The following CCDC73 variants were observed in gnomAD, a reference collection of about 807,000 sequenced individuals.
The protein encoded by CCDC73 is coiled-coil domain containing 73, also known as coiled-coil domain-containing protein 73.
A neutral mutation model predicts 116.5 loss-of-function variants in CCDC73; 95 were observed. The ratio of observed to expected loss-of-function variants is 0.82; its 90% CI spans 0.69 to 0.97. CCDC73 has a LOEUF of 0.97. Ranked by LOEUF, CCDC73 falls within the 50% of genes least tolerant of loss-of-function variation. The pLI is 0.00. For synonymous variants in CCDC73, 398 were observed against 401.3 expected (o/e 0.99, Z 0.10); for missense variants, 1,066 against 1,206.8 (o/e 0.88, Z 1.73).
intron 6 of CCDC73, among the ~76,000 whole-genome samples, chr11:32,685,149 G>T (rs1444838879): frequency 6.6e-6 from 1 of 150,828 alleles, no homozygotes; most frequent in African/African-American, 2.4e-5. Flanking sequence ...TGAATGAGCT[G>T]ATTTTATTTT....
intron 14 of CCDC73, among the ~76,000 whole-genome samples, chr11:32,631,678 A>AAAAGGAGG (rs1288516088): frequency 2.0e-5 from 3 of 151,958 alleles, no homozygotes; most frequent in Non-Finnish European, 4.4e-5. Context: ...GGAAAGGAAG[A>AAAAGGAGG]AAAGGAAGAA....
intron 14 of CCDC73, among the ~76,000 whole-genome samples, chr11:32,634,191 C>T (rs184103450): frequency 1.5e-4 from 23 of 152,090 alleles, no homozygotes; most frequent in Admixed American, 3.3e-4. Flanking sequence ...TTACTCTTGA[C>T]GCAAAAACCA....
intron 15 of CCDC73, 121 bp downstream of exon 15, chr11:32,615,819 A>G (rs1407290518): frequency 2.1e-6 from 2 of 962,050 alleles, no homozygotes; most frequent in Non-Finnish European, 3.0e-6. Flanking sequence ...GGCAGAAACC[A>G]GAATCCAAAA....
intron 14 of CCDC73, among the ~76,000 whole-genome samples, chr11:32,628,981 C>G (rs1434442960): frequency 6.6e-6 from 1 of 151,562 alleles, no homozygotes; most frequent in African/African-American, 2.4e-5. Context: ...AAAAACGAAC[C>G]AAATGGAAAT....
At chr11:32,626,512 T>C (rs1204034531) in intron 14 of CCDC73, among the ~76,000 whole-genome samples, 1 of 152,214 alleles carries the variant, frequency 6.6e-6, no homozygotes, top group African/African-American at 2.4e-5. Flanking sequence ...AGAGCCCACA[T>C]TGCCAAGTCA....
At chr11:32,651,478 T>C (rs1005675666) in intron 12 of CCDC73, among the ~76,000 whole-genome samples, 6 of 152,108 alleles carry the variant, frequency 3.9e-5, no homozygotes, top group Non-Finnish European at 7.4e-5. Flanking sequence ...CCAGTCAAAC[T>C]GCACCAGTGG....
At chr11:32,735,883 A>C (rs1227775918) in intron 2 of CCDC73, among the ~76,000 whole-genome samples, 1 of 152,216 alleles carries the variant, frequency 6.6e-6, no homozygotes, top group Non-Finnish European at 1.5e-5. Context: ...GATCTTTGAC[A>C]AACCTGACAA....
At chr11:32,647,622 G>C (rs1003753820) in intron 12 of CCDC73, among the ~76,000 whole-genome samples, 5 of 152,090 alleles carry the variant, frequency 3.3e-5, no homozygotes, top group African/African-American at 9.7e-5. Flanking sequence ...TATTTCACTG[G>C]GAAAGCTTAA....
In CCDC73 at chr11:32,693,139, G is replaced by A. The variant is rs144155339; in HGVS notation, c.390+6112C>T. ...AGTCTCTTGACTATGAGCTCCATAA[G>A]AGAGGGCACTATCTGGTTTCTTATT... On this transcript the variant is annotated intron_variant, in intron 6 of 17. Coordinates refer to ENST00000335185, the MANE Select transcript of CCDC73 (RefSeq NM_001008391.4). 1.3e-3 allele frequency among the ~76,000 whole-genome samples: 198 copies of A among 152,338 alleles called. 1 individual carries two copies. The highest frequency in any genetic ancestry group is 2.4e-3 in the Non-Finnish European group (164 of 68,034).
At chr11:32,699,807 C>T (rs1849792771) in intron 5 of CCDC73, among the ~76,000 whole-genome samples, 1 of 151,230 alleles carries the variant, frequency 6.6e-6, no homozygotes, top group South Asian at 2.1e-4. Context: ...TGCAGCACAC[C>T]AACATGGCAC....
At chr11:32,743,837 A>G (rs1850210859) in intron 2 of CCDC73, among the ~76,000 whole-genome samples, 1 of 152,166 alleles carries the variant, frequency 6.6e-6, no homozygotes, top group African/African-American at 2.4e-5. Context: ...TAAATATACA[A>G]TCATGTCATC....
At chr11:32,640,507 G>T (rs1370673931) in intron 13 of CCDC73, among the ~76,000 whole-genome samples, 1 of 152,024 alleles carries the variant, frequency 6.6e-6, no homozygotes, top group Non-Finnish European at 1.5e-5. Context: ...TTTAAACACT[G>T]GGGATGAAAA....
intron 2 of CCDC73, among the ~76,000 whole-genome samples, chr11:32,736,617 T>A (rs1263542635): frequency 6.6e-6 from 1 of 151,914 alleles, no homozygotes; most frequent in Non-Finnish European, 1.5e-5. Context: ...TCCTCAAGGA[T>A]CTAGAACTAG....
Position 32,675,918 on chromosome 11 carries a change from A to G in CCDC73, c.533T>C (p.Val178Ala). ...TTCTAACTTTTCATGATTCTCTTTTACCAATCCAAATTGACCTGTTATTGT... is the reference window on the plus strand; with the variant it reads ...TTCTAACTTTTCATGATTCTCTTTTGCCAATCCAAATTGACCTGTTATTGT... ...YATITGQFGL[V>A]KENHEKLEQN... Residue 178 changes from valine (V) to alanine (A), a missense_variant, in exon 8 of 18, where the codon GTA becomes GCA. Val to Ala is a moderately conservative substitution (Grantham distance 64). Transcript: ENST00000335185. 1.9e-6 allele frequency: 3 copies of G among 1,607,164 alleles called. No homozygotes were observed. The highest frequency in any genetic ancestry group is 2.5e-6 in the Non-Finnish European group (3 of 1,177,452).
chr11:32,729,123 G>A (rs1850054279), intron 2 of CCDC73, among the ~76,000 whole-genome samples: 1 of 152,026 alleles, frequency 6.6e-6, no homozygotes, highest in South Asian at 2.1e-4. Context: ...CCATCACCTA[G>A]GTATTAAGCC....
At chr11:32,684,552 T>C (rs1186397968) in intron 6 of CCDC73, among the ~76,000 whole-genome samples, 3 of 152,188 alleles carry the variant, frequency 2.0e-5, no homozygotes, top group Non-Finnish European at 2.9e-5. Context: ...ATCACTCATG[T>C]TTATAGGTTT....
At chr11:32,773,747 T>C (rs1220309432) in intron 1 of CCDC73, among the ~76,000 whole-genome samples, 1 of 149,012 alleles carries the variant, frequency 6.7e-6, no homozygotes, top group African/African-American at 2.5e-5. Context: ...ATTGCTGCCC[T>C]CCAGCCTGGG....
At chr11:32,753,837 T>C (rs191763193) in intron 2 of CCDC73, among the ~76,000 whole-genome samples, 3 of 152,044 alleles carry the variant, frequency 2.0e-5, no homozygotes. Context: ...TTTTCAAACT[T>C]CTGGCTTCAA....
chr11:32,774,459 T>C (rs1850515473), intron 1 of CCDC73, among the ~76,000 whole-genome samples: 1 of 152,190 alleles, frequency 6.6e-6, no homozygotes, highest in South Asian at 2.1e-4. Flanking sequence ...GTCAATCTAT[T>C]ATGTTTAATT....
Sources: gnomAD v4.1 joint callset for allele counts (sites outside exome capture counted in the v4.1 genomes callset) on GRCh38, gnomAD v4.1.1 for gene constraint, MANE v1.5 for transcripts, NCBI Gene and HGNC (gene_info 2026-07-23, HGNC 2026-07-21) for gene names.